The following PKNOX2 variants were observed in gnomAD, a reference collection of about 807,000 sequenced individuals.
PKNOX2 encodes the protein homeobox protein PKNOX2.
Under a neutral mutation model 53.1 loss-of-function variants are expected in PKNOX2, and 14 were observed. The ratio of observed to expected loss-of-function variants is 0.26; its 90% CI spans 0.17 to 0.41. The LOEUF is 0.41. Among genes scored for constraint, PKNOX2 ranks in the 10% least tolerant of loss-of-function variants. PKNOX2 has a pLI of 1.00. For missense variants in PKNOX2, 496 were observed against 602.8 expected (o/e 0.82, Z 1.85); for synonymous variants, 257 against 242.8 (o/e 1.06, Z -0.54).
intron 7 of PKNOX2, among the ~76,000 whole-genome samples, chr11:125,402,091 T>C (rs1954790038): frequency 1.3e-5 from 2 of 152,200 alleles, no homozygotes; most frequent in Non-Finnish European, 2.9e-5. Context: ...GTTGAGCGTT[T>C]TCCTGCTCGG....
intron 2 of PKNOX2, among the ~76,000 whole-genome samples, chr11:125,329,062 G>A (rs78111667): frequency 0.016 from 2,470 of 152,256 alleles, 49 homozygotes; most frequent in African/African-American, 0.044. Context: ...TAGTCATTAT[G>A]TGTTTATAAT....
intron 1 of PKNOX2, among the ~76,000 whole-genome samples, chr11:125,183,970 C>T (rs565899101): frequency 1.3e-5 from 2 of 152,254 alleles, no homozygotes; most frequent in Non-Finnish European, 2.9e-5. Context: ...CTCCATTTGC[C>T]TCAAATACAT....
At chr11:125,259,979 C>T (rs1944716658) in intron 2 of PKNOX2, among the ~76,000 whole-genome samples, 3 of 151,944 alleles carry the variant, frequency 2.0e-5, no homozygotes, top group African/African-American at 7.2e-5. Context: ...TGGGCTCAAG[C>T]GATCCTCCTG....
intron 5 of PKNOX2, among the ~76,000 whole-genome samples, chr11:125,383,675 C>A (rs1953412674): frequency 6.6e-6 from 1 of 152,078 alleles, no homozygotes; most frequent in Non-Finnish European, 1.5e-5. Context: ...CATGTAACCT[C>A]TTAAATTTAA....
chr11:125,401,944 G>A (rs1197406348), intron 7 of PKNOX2, among the ~76,000 whole-genome samples: 3 of 152,142 alleles, frequency 2.0e-5, no homozygotes, highest in Admixed American at 6.5e-5. Flanking sequence ...TGCCAGCTTT[G>A]TTGCAAACTG....
chr11:125,181,674 G>A (rs192073275), intron 1 of PKNOX2, among the ~76,000 whole-genome samples: 107 of 152,328 alleles, frequency 7.0e-4, no homozygotes, highest in African/African-American at 2.4e-3. Context: ...TGTCATGGGG[G>A]CTTTGCCTAG....
At chr11:125,284,286 G>T (rs993491544) in intron 2 of PKNOX2, among the ~76,000 whole-genome samples, 1 of 152,184 alleles carries the variant, frequency 6.6e-6, no homozygotes, top group South Asian at 2.1e-4. Context: ...GGCAGTAGGA[G>T]GGCTCTGCCT....
chr11:125,265,082 A>T (rs1238731762), intron 2 of PKNOX2, among the ~76,000 whole-genome samples: 1 of 152,124 alleles, frequency 6.6e-6, no homozygotes, highest in Non-Finnish European at 1.5e-5. Context: ...AGGTCAGAAG[A>T]TTGAGACCAT....
At chr11:125,334,733 G>T (rs1950341257) in intron 3 of PKNOX2, among the ~76,000 whole-genome samples, 1 of 151,680 alleles carries the variant, frequency 6.6e-6, no homozygotes, top group East Asian at 1.9e-4. Flanking sequence ...TGAGTAGCTG[G>T]GGCAACAGGT....
chr11:125,218,407 TG>T (rs528383347), intron 1 of PKNOX2, among the ~76,000 whole-genome samples: 88 of 120,764 alleles, frequency 7.3e-4, no homozygotes, highest in East Asian at 3.4e-3. Flanking sequence ...GTGGCAGTGA[TG>T]GGGGGGGGAC....
chr11:125,280,227 T>C (rs991490455), intron 2 of PKNOX2, among the ~76,000 whole-genome samples: 5 of 152,060 alleles, frequency 3.3e-5, no homozygotes, highest in African/African-American at 4.8e-5. Context: ...ATAATTGCAC[T>C]ATTCCCAGTA....
At chr11:125,343,385 G>A (rs1465148551) in intron 3 of PKNOX2, among the ~76,000 whole-genome samples, 3 of 151,124 alleles carry the variant, frequency 2.0e-5, no homozygotes, top group Non-Finnish European at 2.9e-5. Context: ...CAGCCAGCAT[G>A]CTTTTTTTTT....
intron 2 of PKNOX2, among the ~76,000 whole-genome samples, chr11:125,261,122 C>T (rs541212919): frequency 6.6e-6 from 1 of 152,234 alleles, no homozygotes; most frequent in East Asian, 1.9e-4. Flanking sequence ...TGGAATGTGA[C>T]CAAGTTCCAA....
At chr11:125,402,027 A>G (rs1348949422) in intron 7 of PKNOX2, among the ~76,000 whole-genome samples, 2 of 151,992 alleles carry the variant, frequency 1.3e-5, no homozygotes, top group Non-Finnish European at 2.9e-5. Context: ...TTTGTTTTCA[A>G]CTTGGTATCC....
intron 4 of PKNOX2, among the ~76,000 whole-genome samples, chr11:125,360,400 G>T (rs1951861505): frequency 6.6e-6 from 1 of 152,128 alleles, no homozygotes; most frequent in African/African-American, 2.4e-5. Context: ...AGGTTTGCGG[G>T]GCATCTGCTG....
intron 3 of PKNOX2, among the ~76,000 whole-genome samples, chr11:125,334,590 T>G (rs1241892622): frequency 2.1e-5 from 3 of 141,370 alleles, no homozygotes; most frequent in South Asian, 2.1e-4. Flanking sequence ...AGTTTTCGTT[T>G]TTTTTTTTTT....
At chr11:125,411,365 C>T (rs961812755) in intron 9 of PKNOX2, 4 of 369,954 alleles carry the variant, frequency 1.1e-5, no homozygotes, top group South Asian at 9.3e-5. Flanking sequence ...GCTTTGCAAA[C>T]TGTAAAGTAC....
At chr11:125,420,525 C>G (rs1331896114) in intron 10 of PKNOX2, among the ~76,000 whole-genome samples, 2 of 145,958 alleles carry the variant, frequency 1.4e-5, no homozygotes, top group African/African-American at 5.1e-5. Context: ...GACTCCATCT[C>G]AAAAAAAAAA....
At chr11:125,182,813 T>C (rs1956227165) in intron 1 of PKNOX2, among the ~76,000 whole-genome samples, 1 of 152,210 alleles carries the variant, frequency 6.6e-6, no homozygotes, top group South Asian at 2.1e-4. Flanking sequence ...TTGGATTTTT[T>C]GTGGAGACAG....
Sources: allele counts gnomAD v4.1 joint callset (sites outside exome capture counted in the v4.1 genomes callset), GRCh38; gene constraint gnomAD v4.1.1; transcripts MANE v1.5; gene names NCBI Gene and HGNC (gene_info 2026-07-23, HGNC 2026-07-21).